The following ZC3H3 variants were observed in gnomAD, a reference collection of about 807,000 sequenced individuals.
ZC3H3 encodes zinc finger CCCH domain-containing protein 3.
ZC3H3 carries 36 observed loss-of-function variants against 77.3 expected under a neutral mutation model. That is an observed-to-expected ratio of 0.47 (90% CI 0.36 to 0.61). ZC3H3 has a LOEUF of 0.61. Among genes scored for constraint, ZC3H3 ranks in the 20% least tolerant of loss-of-function variants. The pLI, the probability that ZC3H3 is intolerant of heterozygous loss-of-function variation, is 0.00. For synonymous variants in ZC3H3, 626 were observed against 555.2 expected (o/e 1.13, Z -1.79); for missense variants, 1,331 against 1,312.2 (o/e 1.01, Z -0.22).
chr8:143,528,206 G>A (rs1194698773), intron 3 of ZC3H3, among the ~76,000 whole-genome samples: 2 of 152,198 alleles, frequency 1.3e-5, no homozygotes, highest in East Asian at 3.9e-4. Flanking sequence ...CTCCTCGGGG[G>A]CCGCCACTCA....
Position 143,494,981 on chromosome 8 carries a change from G to C in ZC3H3, c.1715+12765C>G, listed in dbSNP as rs150506486. Among the ~76,000 whole-genome samples, 464 of 152,332 alleles carry C rather than the reference G, an allele frequency of 3.0e-3. 2 individuals are homozygous for C. Among genetic ancestry groups the C allele is most frequent in the Non-Finnish European group, 5.1e-3 (349 of 68,028 alleles). On this transcript the variant is annotated intron_variant, in intron 4 of 11. Coordinates refer to ENST00000262577, the MANE Select transcript of ZC3H3 (RefSeq NM_015117.3). The surrounding 1 kb of genome is among the most constrained non-coding windows in gnomAD (Gnocchi z 5.3). ...CGTGAGAATGCAGATTAGAAAGGCG[G>C]TAACACCACGTCTGAGGGGAACAGA...
intron 4 of ZC3H3, among the ~76,000 whole-genome samples, chr8:143,496,758 G>A (rs1219140400): frequency 2.6e-5 from 4 of 151,962 alleles, no homozygotes; most frequent in East Asian, 1.9e-4. Flanking sequence ...AGAAACTGCC[G>A]GATGGCCTAA....
chr8:143,517,161 C>T (rs535314236), intron 3 of ZC3H3, among the ~76,000 whole-genome samples: 2 of 152,308 alleles, frequency 1.3e-5, no homozygotes, highest in African/African-American at 2.4e-5. Context: ...TTATTGTGCG[C>T]GAGCCATCGA....
intron 9 of ZC3H3, among the ~76,000 whole-genome samples, chr8:143,461,182 T>C (rs1286246706): frequency 1.3e-5 from 2 of 152,194 alleles, no homozygotes; most frequent in Non-Finnish European, 2.9e-5. Flanking sequence ...GGGTGAATTA[T>C]GTGGTACGTG....
chr8:143,439,991 A>G lies in ZC3H3; in HGVS notation c.2815+50T>C, dbSNP rs1484179377. 630 of 1,353,426 alleles carry G rather than the reference A, an allele frequency of 4.7e-4. 2 individuals are homozygous for G. Among genetic ancestry groups the G allele is most frequent in the African/African-American group, 2.1e-3 (112 of 52,784 alleles). The allele number at this position is 1,353,426 out of a possible 1,614,324, so 83.8% of individuals were successfully genotyped here. ...GAGCCAGGCCGTGCTGCCTACCTGA[A>G]TCCTTGGTGAGGGGGGCCCTGGGGG... On this transcript the variant is annotated intron_variant, in intron 11 of 11. Coordinates refer to ENST00000262577, the MANE Select transcript of ZC3H3 (RefSeq NM_015117.3).
intron 3 of ZC3H3, among the ~76,000 whole-genome samples, chr8:143,524,284 C>A (rs932903710): frequency 6.6e-6 from 1 of 152,246 alleles, no homozygotes; most frequent in African/African-American, 2.4e-5. Flanking sequence ...TCCACAGTTA[C>A]TGAAGCCAAA....
chr8:143,504,769 CT>C (rs1821636428), intron 4 of ZC3H3, among the ~76,000 whole-genome samples: 2 of 152,190 alleles, frequency 1.3e-5, no homozygotes, highest in Admixed American at 6.5e-5. Context: ...TCAGAGCCCC[CT>C]GGGCCTCACT....
intron 3 of ZC3H3, among the ~76,000 whole-genome samples, chr8:143,526,078 C>T (rs1209463892): frequency 1.3e-5 from 2 of 152,248 alleles, no homozygotes; most frequent in African/African-American, 4.8e-5. Context: ...AGGGCTACAC[C>T]AAAACCCACG....
intron 3 of ZC3H3, among the ~76,000 whole-genome samples, chr8:143,512,537 C>A (rs553233226): frequency 6.6e-6 from 1 of 152,366 alleles, no homozygotes; most frequent in Non-Finnish European, 1.5e-5. Context: ...GGCAGCAGCA[C>A]CGACTGGGGA....
At chr8:143,446,317 TC>T (rs1457998004) in intron 9 of ZC3H3, among the ~76,000 whole-genome samples, 62 of 152,356 alleles carry the variant, frequency 4.1e-4, no homozygotes, top group African/African-American at 1.5e-3. Context: ...TAAAACTATG[TC>T]CGTTAAAATC....
At chr8:143,457,669 C>T (rs940265851) in intron 9 of ZC3H3, among the ~76,000 whole-genome samples, 1 of 152,056 alleles carries the variant, frequency 6.6e-6, no homozygotes, top group Non-Finnish European at 1.5e-5. Flanking sequence ...GAGTTTGAGA[C>T]CAGCCTGGGT....
At chr8:143,511,459 TAAG>T (rs751718120) in intron 3 of ZC3H3, among the ~76,000 whole-genome samples, 12 of 152,184 alleles carry the variant, frequency 7.9e-5, no homozygotes, top group Admixed American at 2.0e-4. Flanking sequence ...GGTTAATGAA[TAAG>T]AAGATGAAAC....
chr8:143,510,050 C>T (rs991435177), intron 3 of ZC3H3, among the ~76,000 whole-genome samples: 8 of 152,316 alleles, frequency 5.3e-5, no homozygotes, highest in East Asian at 1.9e-4. Flanking sequence ...GCCTGGCGGG[C>T]GGCGGCACCA....
intron 3 of ZC3H3, among the ~76,000 whole-genome samples, chr8:143,511,984 C>T (rs1304171999): frequency 6.6e-6 from 1 of 152,282 alleles, no homozygotes; most frequent in Non-Finnish European, 1.5e-5. Context: ...CCCACAGCAG[C>T]AGACAGGACG....
At chr8:143,529,719 C>A (rs1329594684) in intron 3 of ZC3H3, among the ~76,000 whole-genome samples, 1 of 152,168 alleles carries the variant, frequency 6.6e-6, no homozygotes, top group African/African-American at 2.4e-5. Context: ...CCTGAGGGAC[C>A]CCAGCCTCTC....
intron 3 of ZC3H3, among the ~76,000 whole-genome samples, chr8:143,535,195 T>C (rs1293498068): frequency 6.6e-6 from 1 of 152,072 alleles, no homozygotes; most frequent in Admixed American, 6.5e-5. Flanking sequence ...TGTGCCACCA[T>C]GCCCAGCTAA....
At position 143,438,010 on chromosome 8, in the gene ZC3H3, C is replaced by A. The variant is rs958777576; in HGVS notation, c.*46G>T. On this transcript the variant is annotated 3_prime_UTR_variant, in exon 12 of 12. Coordinates refer to ENST00000262577, the MANE Select transcript of ZC3H3 (RefSeq NM_015117.3). ...GTGGTGGACAGAGCCTCTTTCCTCT[C>A]CAAGGATGAGGGTCTGAGGTAGGTG... The A allele has an allele frequency of 6.3e-7, 1 of 1,595,952 alleles. No individual in the cohort carries two copies. Among genetic ancestry groups the A allele is most frequent in the African/African-American group, 1.3e-5 (1 of 74,812 alleles).
In ZC3H3 at chr8:143,533,950, A is replaced by G. The variant is rs2130506834; in HGVS notation, c.1561+2307T>C. Among the ~76,000 whole-genome samples, 1 of 150,710 alleles carries G rather than the reference A, an allele frequency of 6.6e-6. No individual in the cohort carries two copies. Among genetic ancestry groups the G allele is most frequent in the Non-Finnish European group, 1.5e-5 (1 of 67,720 alleles). Reference sequence around the variant, plus strand: ...CTCGGCCTCCCAGTGTGCTGGGATTACAGGCATGAGCCACCACGCCCAGCC... The same window carrying G: ...CTCGGCCTCCCAGTGTGCTGGGATTGCAGGCATGAGCCACCACGCCCAGCC... On this transcript the variant is annotated intron_variant, in intron 3 of 11. Coordinates refer to ENST00000262577, the MANE Select transcript of ZC3H3 (RefSeq NM_015117.3). This position sits in a 1 kb window ranked among gnomAD's most constrained non-coding sequence, Gnocchi z 4.0.
At chr8:143,442,473 G>A (rs1444852791) in intron 9 of ZC3H3, among the ~76,000 whole-genome samples, 1 of 147,362 alleles carries the variant, frequency 6.8e-6, no homozygotes, top group African/African-American at 2.5e-5. Context: ...TGCCTGACAA[G>A]GAAAGCCCTG....
Sources: allele counts gnomAD v4.1 joint callset (sites outside exome capture counted in the v4.1 genomes callset), GRCh38; gene constraint gnomAD v4.1.1; non-coding constraint Gnocchi (gnomAD v3.1); transcripts MANE v1.5; gene names NCBI Gene and HGNC (gene_info 2026-07-23, HGNC 2026-07-21).